The following PTGER3 variants were observed in gnomAD, a reference collection of about 807,000 sequenced individuals.
PTGER3 encodes prostaglandin E2 receptor EP3 subtype.
A neutral mutation model predicts 34.7 loss-of-function variants in PTGER3; 22 were observed. The ratio of observed to expected loss-of-function variants is 0.63; its 90% CI spans 0.45 to 0.91. PTGER3 has a LOEUF of 0.91. Ranked by LOEUF, PTGER3 falls within the 40% of genes least tolerant of loss-of-function variation. PTGER3 has a pLI of 0.00. For missense variants in PTGER3, 468 were observed against 519.4 expected (o/e 0.90, Z 0.96); for synonymous variants, 241 against 230.1 (o/e 1.05, Z -0.43).
intron 2 of PTGER3, among the ~76,000 whole-genome samples, chr1:70,978,427 T>C (rs1653917433): frequency 6.6e-6 from 1 of 152,110 alleles, no homozygotes; most frequent in South Asian, 2.1e-4. Flanking sequence ...TAGTCTTAAT[T>C]GGTCAAATTA....
At chr1:71,042,777 A>G (rs1405533610) in intron 1 of PTGER3, among the ~76,000 whole-genome samples, 2 of 152,144 alleles carry the variant, frequency 1.3e-5, no homozygotes, top group African/African-American at 4.8e-5. Context: ...CTCCTTAACT[A>G]AAATGAAAAA....
rs1653455495 is a variant in PTGER3, at chr1:70,974,304, A to G, written c.1162T>C (p.Leu388=). 5 of 1,603,978 alleles carry G rather than the reference A, an allele frequency of 3.1e-6. No homozygotes were observed. Among genetic ancestry groups the G allele is most frequent in the Non-Finnish European group, 4.3e-6 (5 of 1,171,118 alleles). The stretch of plus-strand genomic sequence containing the variant: ...GCAGTTTCTAAATCTCACCTTTCCA[A>G]ATGGTCGCTCCACATCAAGGTTGAG... ...CSSTLMWSDH[L]ER The change falls in exon 3 of 4, where the codon TTG becomes CTG. Residue 388 remains leucine, a synonymous_variant. Transcript: ENST00000306666.
chr1:70,891,039 A>T (rs4147115), intron 4 of PTGER3, among the ~76,000 whole-genome samples: 52,338 of 152,096 alleles, frequency 0.34, 10,181 homozygotes, highest in African/African-American at 0.49. Context: ...TGCAAAACTC[A>T]GCTTCAGCTT....
At chr1:71,004,354 GA>G (rs938172539) in intron 2 of PTGER3, among the ~76,000 whole-genome samples, 5 of 152,088 alleles carry the variant, frequency 3.3e-5, no homozygotes, top group African/African-American at 1.2e-4. Flanking sequence ...ATCATGACTT[GA>G]ACTCTGTTAT....
intron 2 of PTGER3, among the ~76,000 whole-genome samples, chr1:70,991,972 A>G (rs937750242): frequency 6.6e-6 from 1 of 152,196 alleles, no homozygotes; most frequent in Non-Finnish European, 1.5e-5. Flanking sequence ...ATAATAGGCT[A>G]TATTTAATTG....
intron 1 of PTGER3, among the ~76,000 whole-genome samples, chr1:71,031,506 A>C (rs1218508324): frequency 6.6e-6 from 1 of 152,158 alleles, no homozygotes; most frequent in Non-Finnish European, 1.5e-5. Flanking sequence ...CCTTTGTTAT[A>C]GCATAGGGGT....
intron 1 of PTGER3, among the ~76,000 whole-genome samples, chr1:71,045,748 A>G (rs1660716594): frequency 6.6e-6 from 1 of 152,038 alleles, no homozygotes; most frequent in Admixed American, 6.5e-5. Flanking sequence ...AAGGGTAAGT[A>G]AATGCTGGCC....
At chr1:70,917,584 G>C (rs919185679) in intron 4 of PTGER3, among the ~76,000 whole-genome samples, 1 of 151,920 alleles carries the variant, frequency 6.6e-6, no homozygotes, top group Non-Finnish European at 1.5e-5. Context: ...TAAAGAGATT[G>C]CTGGATTATA....
In PTGER3 at chr1:70,931,657, C is replaced by A. The variant is rs552083807; in HGVS notation, c.*23+22106G>T. On this transcript the variant is annotated intron_variant, in intron 4 of 4. Transcript: ENST00000370931. Reference sequence around the variant, plus strand: ...GGCTTGCACCAACTGAAACCATGGGCCAAGCTGTATGTTGGCCCCTTTTAG... The same window carrying A: ...GGCTTGCACCAACTGAAACCATGGGACAAGCTGTATGTTGGCCCCTTTTAG... Among the ~76,000 whole-genome samples, 20 of 152,302 alleles carry A rather than the reference C, an allele frequency of 1.3e-4. No homozygotes were observed. The East Asian group carries it at 3.5e-3, about 26-fold the overall frequency.
intron 4 of PTGER3, among the ~76,000 whole-genome samples, chr1:70,885,034 A>G (rs192043744): frequency 3.3e-3 from 510 of 152,326 alleles, no homozygotes; most frequent in African/African-American, 0.012. Context: ...CACTTTGTCT[A>G]ACTATTCCAA....
chr1:70,901,038 A>G (rs1352048821), intron 4 of PTGER3, among the ~76,000 whole-genome samples: 1 of 152,184 alleles, frequency 6.6e-6, no homozygotes. Flanking sequence ...ACCATGCCGT[A>G]TGTGGTAAGA....
At chr1:70,972,416 A>T (rs1653185296) in intron 3 of PTGER3, among the ~76,000 whole-genome samples, 1 of 152,130 alleles carries the variant, frequency 6.6e-6, no homozygotes. Context: ...TTTTTCACAC[A>T]CGGTTGATGA....
intron 4 of PTGER3, among the ~76,000 whole-genome samples, chr1:70,853,617 T>G (rs1373482760): frequency 2.0e-5 from 3 of 152,196 alleles, no homozygotes; most frequent in Non-Finnish European, 2.9e-5. Context: ...TGGGCCATAA[T>G]TTTTAGAGTT....
Position 70,974,337 on chromosome 1 carries a change from G to T in PTGER3, c.1129C>A (p.Gln377Lys). The change falls in exon 3 of 4, where the codon CAG becomes AAG. Residue 377 changes from glutamine to lysine, a missense_variant. By Grantham distance (53) the Gln-to-Lys change is moderately conservative. Transcript: ENST00000306666. Reference protein sequence around the residue: ...YASSSTSLPCQCSSTLMWSDH... With the variant: ...YASSSTSLPCKCSSTLMWSDH... ...CTCCACATCAAGGTTGAGGAACACT[G>T]GCAGGGTAAGGAGGTGGAGCTGGAT... The T allele has an allele frequency of 6.8e-7, 1 of 1,461,294 alleles. No individual in the cohort carries two copies. The highest frequency in any genetic ancestry group is 1.1e-5 in the South Asian group (1 of 87,968). The allele number at this position is 1,461,294 out of a possible 1,614,324, so 90.5% of individuals were successfully genotyped here. A position where few individuals can be genotyped will look rare whatever the true frequency, so the allele number is the denominator to read the frequency against.
intron 4 of PTGER3, among the ~76,000 whole-genome samples, chr1:70,871,607 G>T (rs892090098): frequency 6.6e-6 from 1 of 152,106 alleles, no homozygotes. Context: ...CTTGGTGAGA[G>T]AACTGAAACC....
At chr1:70,998,412 T>A (rs1656171686) in intron 2 of PTGER3, 1 of 152,208 alleles carries the variant, frequency 6.6e-6, no homozygotes, top group Non-Finnish European at 1.5e-5. Context: ...GACTTCGCTC[T>A]GAAGAATGAG....
At chr1:70,921,339 C>G (rs1005300705) in intron 4 of PTGER3, among the ~76,000 whole-genome samples, 5 of 152,258 alleles carry the variant, frequency 3.3e-5, no homozygotes, top group Admixed American at 1.3e-4. Flanking sequence ...TCCTGGCCTC[C>G]CTGAGTGCCT....
chr1:70,929,401 T>C (rs1026458720), intron 4 of PTGER3, among the ~76,000 whole-genome samples: 1 of 151,920 alleles, frequency 6.6e-6, no homozygotes, highest in Admixed American at 6.6e-5. Flanking sequence ...GATGTGTAGA[T>C]GGAGAGAATA....
intron 4 of PTGER3, among the ~76,000 whole-genome samples, chr1:70,863,142 A>T (rs1572484059): frequency 6.6e-6 from 1 of 151,652 alleles, no homozygotes; most frequent in South Asian, 2.1e-4. Flanking sequence ...GTTGCTATGG[A>T]TTTATTTGCT....
Sources: gnomAD v4.1 joint callset for allele counts (sites outside exome capture counted in the v4.1 genomes callset) on GRCh38, gnomAD v4.1.1 for gene constraint, MANE v1.5 for transcripts, NCBI Gene and HGNC (gene_info 2026-07-23, HGNC 2026-07-21) for gene names.